TMTC2: variants seen among roughly 807,000 people sequenced by gnomAD.
TMTC2 encodes protein O-mannosyl-transferase TMTC2.
In TMTC2, 43 loss-of-function variants were observed where a neutral mutation model predicts 82.4. The ratio of observed to expected loss-of-function variants is 0.52; its 90% CI spans 0.41 to 0.67. The LOEUF (loss-of-function observed/expected upper bound fraction) is 0.67, where lower values mean the gene tolerates loss of function less well. TMTC2 is among the 30% of genes least tolerant of loss of function. TMTC2 has a pLI of 0.00. For synonymous variants in TMTC2, 408 were observed against 381.9 expected (o/e 1.07, Z -0.80); for missense variants, 919 against 1,012.4 (o/e 0.91, Z 1.25).
intron 2 of TMTC2, among the ~76,000 whole-genome samples, chr12:82,884,576 T>C (rs1872994291): frequency 1.3e-5 from 2 of 152,192 alleles, no homozygotes; most frequent in Non-Finnish European, 2.9e-5. Flanking sequence ...TTCATTTGGT[T>C]TCTAAGAGCT....
At chr12:82,783,149 A>T (rs995045810) in intron 1 of TMTC2, among the ~76,000 whole-genome samples, 12 of 152,148 alleles carry the variant, frequency 7.9e-5, no homozygotes, top group Non-Finnish European at 1.2e-4. Flanking sequence ...ATAGGTATTT[A>T]AAAAAGCAAG....
chr12:82,826,503 T>TA (rs529421980), intron 1 of TMTC2, among the ~76,000 whole-genome samples: 5 of 152,062 alleles, frequency 3.3e-5, no homozygotes, highest in Non-Finnish European at 2.9e-5. Context: ...ATGGTGTGCT[T>TA]AAAAAAAAGA....
Position 83,129,426 on chromosome 12 carries a change from C to G in TMTC2, c.2332-2784C>G, listed in dbSNP as rs1020712688. On this transcript the variant is annotated intron_variant, in intron 11 of 11. Coordinates refer to ENST00000321196, the MANE Select transcript of TMTC2 (RefSeq NM_152588.3). ...AACTCATTCATCAGAACAGATTTAA[C>G]TTCCTGGATGAGTTTTCTTAGACTA... Among the ~76,000 whole-genome samples the G allele has an allele frequency of 3.3e-5, 5 of 152,166 alleles. No homozygotes were observed. The East Asian group carries it at 5.8e-4, about 18-fold the overall frequency.
chr12:82,825,978 G>T (rs116758632), intron 1 of TMTC2, among the ~76,000 whole-genome samples: 1,581 of 152,192 alleles, frequency 0.01, 12 homozygotes, highest in Middle Eastern at 0.038. Context: ...TTTTACCATA[G>T]CTTCAAAAAC....
chr12:82,926,281 G>A (rs1048185254), intron 3 of TMTC2, among the ~76,000 whole-genome samples: 5 of 152,114 alleles, frequency 3.3e-5, no homozygotes, highest in Non-Finnish European at 5.9e-5. Context: ...GCCCGGCCAC[G>A]GGAAAGTTTT....
At chr12:82,804,256 C>T (rs1330227019) in intron 1 of TMTC2, among the ~76,000 whole-genome samples, 1 of 152,008 alleles carries the variant, frequency 6.6e-6, no homozygotes, top group Non-Finnish European at 1.5e-5. Flanking sequence ...AGGTTGGTCA[C>T]CTTTCAGAAA....
intron 7 of TMTC2, among the ~76,000 whole-genome samples, chr12:82,975,978 A>G (rs1878653248): frequency 6.6e-6 from 1 of 151,578 alleles, no homozygotes; most frequent in South Asian, 2.1e-4. Flanking sequence ...AAGCCATTTT[A>G]TTGACTCCAT....
chr12:82,720,766 CGTT>C (rs1819574150), intron 1 of TMTC2, among the ~76,000 whole-genome samples: 2 of 152,134 alleles, frequency 1.3e-5, no homozygotes, highest in African/African-American at 4.8e-5. Context: ...AATGCTATCT[CGTT>C]GTTTTATGTT....
At chr12:82,784,051 G>A (rs1372520957) in intron 1 of TMTC2, among the ~76,000 whole-genome samples, 2 of 151,996 alleles carry the variant, frequency 1.3e-5, no homozygotes, top group Non-Finnish European at 2.9e-5. Context: ...TATGTAGAGT[G>A]GGCCTGCTGT....
intron 10 of TMTC2, among the ~76,000 whole-genome samples, chr12:83,059,969 G>C (rs1210487049): frequency 4.0e-5 from 6 of 151,628 alleles, no homozygotes; most frequent in Non-Finnish European, 8.9e-5. Flanking sequence ...CCTTTCCAGG[G>C]CATGACCTAA....
intron 11 of TMTC2, among the ~76,000 whole-genome samples, chr12:83,106,724 G>A (rs1036227718): frequency 6.6e-6 from 1 of 152,144 alleles, no homozygotes; most frequent in Non-Finnish European, 1.5e-5. Context: ...GTGAAAGATA[G>A]AAGACAATGG....
At chr12:82,862,682 C>G (rs1289823319) in intron 2 of TMTC2, among the ~76,000 whole-genome samples, 2 of 152,066 alleles carry the variant, frequency 1.3e-5, no homozygotes, top group African/African-American at 4.8e-5. Flanking sequence ...CCAGTCATCT[C>G]TTTCTAGAAA....
At chr12:82,942,506 TATAA>T (rs1484295529) in intron 4 of TMTC2, among the ~76,000 whole-genome samples, 2 of 152,218 alleles carry the variant, frequency 1.3e-5, no homozygotes, top group African/African-American at 4.8e-5. Context: ...AACATAAGAA[TATAA>T]ATAGCCTTTT....
chr12:82,987,833 C>T (rs1879225427), intron 8 of TMTC2, among the ~76,000 whole-genome samples: 1 of 152,004 alleles, frequency 6.6e-6, no homozygotes, highest in South Asian at 2.1e-4. Flanking sequence ...AAGAAGGCAG[C>T]GTGAATATTT....
chr12:82,825,556 T>G lies in TMTC2; in HGVS notation c.84-31454T>G, dbSNP rs149928864. ...GTATTTTATAGGTAATTGCTTCCTT[T>G]TCTAATCCCTTCTCTTGTAGGCAGT... On this transcript the variant is annotated intron_variant, in intron 1 of 11. Transcript: ENST00000321196. Among the ~76,000 whole-genome samples the G allele has an allele frequency of 2.2e-4, 34 of 152,320 alleles. No individual in the cohort carries two copies. In the East Asian group the frequency reaches 6.0e-3, roughly 27 times the overall value.
At chr12:82,926,459 A>G (rs1304909944) in intron 3 of TMTC2, among the ~76,000 whole-genome samples, 2 of 152,246 alleles carry the variant, frequency 1.3e-5, no homozygotes, top group Admixed American at 1.3e-4. Flanking sequence ...GTTGAAGGAA[A>G]GAAGCCAGCT....
At chr12:83,030,773 T>C in intron 8 of TMTC2, 25 bp from the exon 9 acceptor site, 1 of 1,573,952 alleles carries the variant, frequency 6.4e-7, no homozygotes, top group Non-Finnish European at 8.7e-7. Flanking sequence ...TGTTCCTGAA[T>C]CATCCATTTT....
At chr12:82,845,806 T>C (rs901303856) in intron 1 of TMTC2, among the ~76,000 whole-genome samples, 1 of 152,142 alleles carries the variant, frequency 6.6e-6, no homozygotes, top group South Asian at 2.1e-4. Flanking sequence ...GTTGTATTAG[T>C]TTTTGCTTTA....
intron 1 of TMTC2, among the ~76,000 whole-genome samples, chr12:82,742,252 T>G (rs894944482): frequency 6.6e-6 from 1 of 152,090 alleles, no homozygotes; most frequent in Non-Finnish European, 1.5e-5. Flanking sequence ...TGTCTTCATG[T>G]ATTTCTTCCT....
Sources: allele counts gnomAD v4.1 joint callset (sites outside exome capture counted in the v4.1 genomes callset), GRCh38; gene constraint gnomAD v4.1.1; transcripts MANE v1.5; gene names NCBI Gene and HGNC (gene_info 2026-07-23, HGNC 2026-07-21).